The following EFNB2 variants were observed in gnomAD, a reference collection of about 807,000 sequenced individuals.
EFNB2 encodes the protein ephrin-B2.
Under a neutral mutation model 32.1 loss-of-function variants are expected in EFNB2, and 5 were observed. The observed-to-expected ratio is 0.16, with a 90% CI of 0.08 to 0.33. The LOEUF (loss-of-function observed/expected upper bound fraction) is 0.33, where lower values mean the gene tolerates loss of function less well. Among genes scored for constraint, EFNB2 ranks in the 10% least tolerant of loss-of-function variants. The pLI is 1.00. For missense variants in EFNB2, 263 were observed against 422.6 expected (o/e 0.62, Z 3.31); for synonymous variants, 168 against 166.5 (o/e 1.01, Z -0.07).
chr13:106,510,917 T>G (rs1879121624), intron 2 of EFNB2, among the ~76,000 whole-genome samples: 1 of 152,030 alleles, frequency 6.6e-6, no homozygotes, highest in Non-Finnish European at 1.5e-5. Flanking sequence ...GAGAATCACT[T>G]GAACCCAGGA....
intron 2 of EFNB2, among the ~76,000 whole-genome samples, chr13:106,502,714 C>T (rs1308696683): frequency 2.0e-5 from 3 of 152,178 alleles, no homozygotes; most frequent in African/African-American, 7.2e-5. Context: ...TCGCATAAAG[C>T]CTTTTAACCA....
At chr13:106,513,656 T>C (rs1350890007) in intron 1 of EFNB2, among the ~76,000 whole-genome samples, 1 of 152,204 alleles carries the variant, frequency 6.6e-6, no homozygotes, top group Non-Finnish European at 1.5e-5. Context: ...TGTTCCTGAA[T>C]GATCTTTCTT....
chr13:106,495,068 T>A, intron 3 of EFNB2, 74 bp from the exon 4 acceptor site: 1 of 1,138,066 alleles, frequency 8.8e-7, no homozygotes, highest in Non-Finnish European at 1.3e-6. Context: ...GCATATATAT[T>A]TCAACAGGCA....
At chr13:106,504,501 T>C (rs1212374903) in intron 2 of EFNB2, among the ~76,000 whole-genome samples, 2 of 152,204 alleles carry the variant, frequency 1.3e-5, no homozygotes, top group Non-Finnish European at 2.9e-5. Context: ...AAGGTGCCCC[T>C]ATCTAAATTT....
Position 106,505,029 on chromosome 13 carries a change from A to G in EFNB2, c.406+7500T>C, listed in dbSNP as rs554977494. 6.6e-5 allele frequency among the ~76,000 whole-genome samples: 10 copies of G among 152,292 alleles called. No homozygotes were observed. The East Asian group carries it at 1.7e-3, about 26-fold the overall frequency. The stretch of plus-strand genomic sequence containing the variant: ...TTGCCACTATAACCACCTTTTCCCA[A>G]TGGCCTTCCTTTCCTAGTACCCTGT... On this transcript the variant is annotated intron_variant, in intron 2 of 4. Coordinates refer to ENST00000646441, the MANE Select transcript of EFNB2 (RefSeq NM_004093.4).
intron 2 of EFNB2, among the ~76,000 whole-genome samples, chr13:106,501,173 T>C (rs536603354): frequency 1.3e-5 from 2 of 152,216 alleles, no homozygotes; most frequent in South Asian, 2.1e-4. Flanking sequence ...TTCACAGTTA[T>C]CTTTTAAGAT....
chr13:106,493,705 T>C lies in EFNB2; in HGVS notation c.614-277A>G, dbSNP rs376850320. Among the ~76,000 whole-genome samples the C allele has an allele frequency of 9.2e-5, 14 of 152,326 alleles. No individual in the cohort carries two copies. Among genetic ancestry groups the C allele is most frequent in the South Asian group, 4.1e-4 (2 of 4,830 alleles). On this transcript the variant is annotated intron_variant, in intron 4 of 4. Coordinates refer to ENST00000646441, the MANE Select transcript of EFNB2 (RefSeq NM_004093.4). This position sits in a 1 kb window ranked among gnomAD's most constrained non-coding sequence, Gnocchi z 6.1. ...TGTCGGTGACAGCCAGCCCTTGATC[T>C]TGCTTCATCTTCTAACCCGTGTCAG...
In EFNB2 at chr13:106,493,548, G is replaced by A. The variant is rs1878489480; in HGVS notation, c.614-120C>T. The A allele has an allele frequency of 7.3e-7, 1 of 1,363,606 alleles. No individual in the cohort carries two copies. Among genetic ancestry groups the A allele is most frequent in the Non-Finnish European group, 9.8e-7 (1 of 1,020,890 alleles). 84.5% of individuals were successfully genotyped at this position (1,363,606 alleles called of 1,614,324 possible). ...CCAGGCTTATTACTAACTAGAAGCT[G>A]GACTTTGCCTCGCCAATACCTCGTC... On this transcript the variant is annotated intron_variant, in intron 4 of 4. Transcript: ENST00000646441. The surrounding 1 kb of genome is among the most constrained non-coding windows in gnomAD (Gnocchi z 6.1).
intron 1 of EFNB2, chr13:106,521,038 T>A (rs1463016168): frequency 6.6e-6 from 1 of 152,338 alleles, no homozygotes; most frequent in African/African-American, 2.4e-5. Flanking sequence ...TCTGCTTTAA[T>A]TTGGATGTAT....
In EFNB2 at chr13:106,495,818, C is replaced by T. The variant is rs1332199099; in HGVS notation, c.429G>A (p.Glu143=). Residue 143 remains glutamate, a synonymous_variant, in exon 3 of 5, where the codon GAG becomes GAA. Transcript: ENST00000646441. The part of the protein sequence containing the change: ...YIISTSNGSL[E]GLDNQEGGVC... ...CCCCTCCCTCCTGGTTATCCAGGCC[C>T]TCCAAAGACCCATTTGATGTAGCTG... 2 of 1,613,940 alleles carry T rather than the reference C, an allele frequency of 1.2e-6. No individual in the cohort carries two copies. Among genetic ancestry groups the T allele is most frequent in the Admixed American group, 3.3e-5 (2 of 60,002 alleles).
chr13:106,534,983 T>C lies in EFNB2; in HGVS notation c.-19A>G. On this transcript the variant is annotated 5_prime_UTR_variant, in exon 1 of 5. Coordinates refer to ENST00000646441, the MANE Select transcript of EFNB2 (RefSeq NM_004093.4). ...CAGCCATGGCGAAGCCACTCCCAGC[T>C]CCGCGCACTCCGGGCCAAGAAGGGA... 3.1e-6 allele frequency: 5 copies of C among 1,611,848 alleles called. No homozygotes were observed. Among genetic ancestry groups the C allele is most frequent in the East Asian group, 4.5e-5 (2 of 44,668 alleles).
chr13:106,511,107 C>T (rs901587271), intron 2 of EFNB2, among the ~76,000 whole-genome samples: 2 of 152,184 alleles, frequency 1.3e-5, no homozygotes, highest in Non-Finnish European at 2.9e-5. Flanking sequence ...AACTATTTTA[C>T]ATTTTCAAAG....
At chr13:106,515,305 A>G (rs1309040020) in intron 1 of EFNB2, among the ~76,000 whole-genome samples, 1 of 152,158 alleles carries the variant, frequency 6.6e-6, no homozygotes, top group Non-Finnish European at 1.5e-5. Flanking sequence ...GCCTTCCTTG[A>G]TGTAAAGTTT....
At chr13:106,529,061 T>G (rs1007963951) in intron 1 of EFNB2, among the ~76,000 whole-genome samples, 4 of 152,176 alleles carry the variant, frequency 2.6e-5, no homozygotes, top group Non-Finnish European at 4.4e-5. Flanking sequence ...GTATTTTATC[T>G]TTTTTTCCAG....
intron 1 of EFNB2, among the ~76,000 whole-genome samples, chr13:106,515,594 G>T (rs1433636473): frequency 6.6e-6 from 1 of 152,170 alleles, no homozygotes; most frequent in Non-Finnish European, 1.5e-5. Context: ...TTAAAACAAT[G>T]ATTGTTCCTT....
chr13:106,507,960 C>T (rs1345764956), intron 2 of EFNB2, among the ~76,000 whole-genome samples: 2 of 152,230 alleles, frequency 1.3e-5, no homozygotes, highest in African/African-American at 4.8e-5. Flanking sequence ...TCTGCTGTAG[C>T]TACTGTTCAC....
At chr13:106,531,558 A>C (rs1879872328) in intron 1 of EFNB2, among the ~76,000 whole-genome samples, 1 of 152,252 alleles carries the variant, frequency 6.6e-6, no homozygotes, top group Non-Finnish European at 1.5e-5. Context: ...TTTCAGACAC[A>C]ATGGAAGGCA....
At position 106,513,763 on chromosome 13, in the gene EFNB2, G is replaced by T. The variant is rs1879223941; in HGVS notation, c.123-951C>A. On this transcript the variant is annotated intron_variant, in intron 1 of 4. Coordinates refer to ENST00000646441, the MANE Select transcript of EFNB2 (RefSeq NM_004093.4). ...ACAACACACTTAGAAATCTCAGCTC[G>T]TTCGTAAGCAGCCAAGCCTGCAGGC... 2.0e-5 allele frequency among the ~76,000 whole-genome samples: 3 copies of T among 152,138 alleles called. No individual in the cohort carries two copies. In the South Asian group the frequency reaches 6.2e-4, roughly 32 times the overall value.
chr13:106,497,737 T>C (rs1244124318), intron 2 of EFNB2, among the ~76,000 whole-genome samples: 1 of 151,990 alleles, frequency 6.6e-6, no homozygotes, highest in Non-Finnish European at 1.5e-5. Context: ...TTTTCAGTTC[T>C]TCATTCTGCT....
Sources: allele counts gnomAD v4.1 joint callset (sites outside exome capture counted in the v4.1 genomes callset), GRCh38; gene constraint gnomAD v4.1.1; non-coding constraint Gnocchi (gnomAD v3.1); transcripts MANE v1.5; gene names NCBI Gene and HGNC (gene_info 2026-07-23, HGNC 2026-07-21).